The following ASPA variants were observed in gnomAD, a reference collection of about 807,000 sequenced individuals.
ASPA encodes ACY-2.
ASPA carries 25 observed loss-of-function variants against 29.6 expected under a neutral mutation model. That is an observed-to-expected ratio of 0.85 (90% CI 0.62 to 1.18). The LOEUF is 1.18. ASPA is among the 50% of genes most tolerant of loss of function. The pLI is 0.00. For synonymous variants in ASPA, 131 were observed against 130.3 expected (o/e 1.01, Z -0.04); for missense variants, 333 against 385.7 (o/e 0.86, Z 1.14).
In ASPA at chr17:3,498,526, T is replaced by C. The variant is rs2073946065; in HGVS notation, c.745-365T>C. 5.3e-5 allele frequency among the ~76,000 whole-genome samples: 8 copies of C among 152,166 alleles called. No individual in the cohort carries two copies. The South Asian group carries it at 1.7e-3, about 32-fold the overall frequency. ...CCACACCCAGCTAATTTTTCGTATT[T>C]TTTCTAGAGATAGGATCTCTGTGTT... is the stretch of plus-strand genomic sequence containing the variant. On this transcript the variant is annotated intron_variant, in intron 5 of 5. Transcript: ENST00000263080.
chr17:3,478,077 C>T (rs529339674), intron 1 of ASPA, among the ~76,000 whole-genome samples: 45 of 151,578 alleles, frequency 3.0e-4, no homozygotes, highest in African/African-American at 9.7e-4. Context: ...CCCAGCTATT[C>T]GGGAGACTGA....
chr17:3,495,180 A>G (rs1347104418), intron 5 of ASPA, among the ~76,000 whole-genome samples: 1 of 152,222 alleles, frequency 6.6e-6, no homozygotes, highest in Non-Finnish European at 1.5e-5. Context: ...TTCCAAAGCC[A>G]AAGTATCCAT....
chr17:3,493,644 T>C (rs1365656844), intron 4 of ASPA, among the ~76,000 whole-genome samples: 1 of 149,550 alleles, frequency 6.7e-6, no homozygotes, highest in Non-Finnish European at 1.5e-5. Flanking sequence ...CCTGAAAATA[T>C]GCAGTCATAA....
Position 3,497,308 on chromosome 17 carries a change from T to C in ASPA, c.745-1583T>C, listed in dbSNP as rs548196273. 4.6e-5 allele frequency among the ~76,000 whole-genome samples: 7 copies of C among 152,182 alleles called. No homozygotes were observed. In the South Asian group the frequency reaches 1.5e-3, roughly 32 times the overall value. On this transcript the variant is annotated intron_variant, in intron 5 of 5. Transcript: ENST00000263080. Reference sequence around the variant, plus strand: ...AAAACCACCGGTTCAGAGAAATAGTTCTCAGCCGAGCCACCCTGTAAATCA... The same window carrying C: ...AAAACCACCGGTTCAGAGAAATAGTCCTCAGCCGAGCCACCCTGTAAATCA...
rs977742350 is a variant in ASPA, at chr17:3,502,491, C to T, written c.*3403C>T. 2.0e-5 allele frequency: 3 copies of T among 152,154 alleles called. No individual in the cohort carries two copies. The highest frequency in any genetic ancestry group is 4.4e-5 in the Non-Finnish European group (3 of 68,036). The allele number at this position is 152,154 out of a possible 1,614,324, so 9.4% of individuals were successfully genotyped here. On this transcript the variant is annotated 3_prime_UTR_variant, in exon 6 of 6. Coordinates refer to ENST00000263080, the MANE Select transcript of ASPA (RefSeq NM_000049.4). Reference sequence around the variant, plus strand: ...TTATATTTGGGTTAATGGTAATATACTAAGCGTCCAGTCTATAAACTTCAG... The same window carrying T: ...TTATATTTGGGTTAATGGTAATATATTAAGCGTCCAGTCTATAAACTTCAG...
upstream of ASPA, among the ~76,000 whole-genome samples, chr17:3,474,880 T>C (rs2073498796): frequency 6.6e-6 from 1 of 152,208 alleles, no homozygotes; most frequent in Non-Finnish European, 1.5e-5. Context: ...AGACTTGGGA[T>C]GAGAAACATG....
rs765810524 is a variant in ASPA, at chr17:3,498,950, G to A, written c.804G>A (p.Lys268=). ...GDPMFLTLDG[K]TIPLGGDCTV... ...CCATGTTTTTAACTCTTGATGGGAA[G>A]ACGATCCCACTGGGCGGAGACTGTA... The change falls in exon 6 of 6, where the codon AAG becomes AAA. Residue 268 remains lysine, a synonymous_variant. Coordinates refer to ENST00000263080, the MANE Select transcript of ASPA (RefSeq NM_000049.4). 6.2e-7 allele frequency: 1 copy of A among 1,613,062 alleles called. No individual in the cohort carries two copies. The highest frequency in any genetic ancestry group is 1.1e-5 in the South Asian group (1 of 90,868).
chr17:3,494,776 A>C (rs2073882428), intron 5 of ASPA, among the ~76,000 whole-genome samples: 1 of 152,202 alleles, frequency 6.6e-6, no homozygotes, highest in African/African-American at 2.4e-5. Flanking sequence ...ATGGGAGAGG[A>C]GTGGTCAGAC....
At chr17:3,481,356 T>C (rs1160068337) in intron 1 of ASPA, among the ~76,000 whole-genome samples, 1 of 152,200 alleles carries the variant, frequency 6.6e-6, no homozygotes, top group Non-Finnish European at 1.5e-5. Context: ...GTCCTATTCA[T>C]GACCAGCCAC....
intron 4 of ASPA, among the ~76,000 whole-genome samples, chr17:3,493,695 A>C (rs2073863511): frequency 6.6e-6 from 1 of 152,134 alleles, no homozygotes. Context: ...AAGCTAATCC[A>C]ATACCTTCAT....
intron 4 of ASPA, 55 bp from the exon 5 acceptor site, chr17:3,494,295 C>T (rs1403007022): frequency 1.4e-6 from 2 of 1,382,572 alleles, no homozygotes; most frequent in South Asian, 1.2e-5. Flanking sequence ...TGAGCCACCA[C>T]ACCCGGCCCA....
intron 5 of ASPA, 45 bp downstream of exon 5, chr17:3,494,504 T>C (rs369991242): frequency 7.0e-5 from 103 of 1,473,240 alleles, no homozygotes; most frequent in Non-Finnish European, 9.4e-5. Context: ...AATAATGCTG[T>C]ACCTTTGAAT....
chr17:3,493,304 T>G (rs2073854051), intron 4 of ASPA, among the ~76,000 whole-genome samples: 1 of 152,136 alleles, frequency 6.6e-6, no homozygotes, highest in Non-Finnish European at 1.5e-5. Context: ...GGCTCACGCC[T>G]GTAATCCCAG....
In ASPA at chr17:3,484,727, CACTT is replaced by C. The variant is rs144241383; in HGVS notation, c.526+1140_526+1143del. Among the ~76,000 whole-genome samples, 746 of 152,318 alleles carry C rather than the reference CACTT, an allele frequency of 4.9e-3. 7 individuals carry two copies. The highest frequency in any genetic ancestry group is 8.1e-3 in the Non-Finnish European group (554 of 68,028). On this transcript the variant is annotated intron_variant, in intron 3 of 5. Coordinates refer to ENST00000263080, the MANE Select transcript of ASPA (RefSeq NM_000049.4). ...TCAAATTGCTATAAAAGTTTCTAAA[CACTT>C]ACTTTAATTTCTGTACATATCTCGC... is the stretch of plus-strand genomic sequence containing the variant.
intron 3 of ASPA, among the ~76,000 whole-genome samples, chr17:3,487,077 T>A: frequency 6.6e-6 from 1 of 152,096 alleles, no homozygotes; most frequent in South Asian, 2.1e-4. Context: ...TGTGTGCGTG[T>A]GTGTGTGTGA....
Sources: gnomAD v4.1 joint callset for allele counts (sites outside exome capture counted in the v4.1 genomes callset) on GRCh38, gnomAD v4.1.1 for gene constraint, MANE v1.5 for transcripts, NCBI Gene and HGNC (gene_info 2026-07-23, HGNC 2026-07-21) for gene names.